Variants in CYTH4 observed in about 807,000 individuals in gnomAD.
CYTH4 encodes the protein cytohesin-4.
A neutral mutation model predicts 57.5 loss-of-function variants in CYTH4; 22 were observed. That is an observed-to-expected ratio of 0.38 (90% CI 0.27 to 0.55). The LOEUF is 0.55. Ranked by LOEUF, CYTH4 falls within the 20% of genes least tolerant of loss-of-function variation. The pLI is 0.74. For synonymous variants in CYTH4, 186 were observed against 206.5 expected (o/e 0.90, Z 0.85); for missense variants, 420 against 535.6 (o/e 0.78, Z 2.13).
chr22:37,285,896 A>G (rs1045598285), intron 1 of CYTH4, among the ~76,000 whole-genome samples: 4 of 152,134 alleles, frequency 2.6e-5, no homozygotes, highest in Admixed American at 6.5e-5. Flanking sequence ...AGATGCTTTG[A>G]CCAGTTGCCA....
At chr22:37,296,143 C>A in intron 4 of CYTH4, 78 bp downstream of exon 4, 1 of 1,421,420 alleles carries the variant, frequency 7.0e-7, no homozygotes, top group Non-Finnish European at 9.7e-7. Flanking sequence ...TCTCGCTCCC[C>A]TCGGCTGACA....
At chr22:37,301,169 G>A in intron 7 of CYTH4, 150 bp downstream of exon 7, 1 of 644,280 alleles carries the variant, frequency 1.6e-6, no homozygotes, top group East Asian at 2.7e-5. Context: ...TGACTTCATT[G>A]CTGCTGGGTG....
chr22:37,300,850 T>C (rs1601705089), intron 6 of CYTH4, 57 bp from the exon 7 acceptor site: 2 of 1,454,008 alleles, frequency 1.4e-6, no homozygotes, highest in Non-Finnish European at 9.5e-7. Flanking sequence ...GGGCAGCTTG[T>C]CTGGGGCCCG....
Position 37,314,466 on chromosome 22 carries a change from G to A in CYTH4, c.*955G>A. ...AGAGTTTCGTGCACTGTGGTTAACAGGAGGGCTGCCTGGAGGCAGTGGCTG... is the reference window on the plus strand; with the variant it reads ...AGAGTTTCGTGCACTGTGGTTAACAAGAGGGCTGCCTGGAGGCAGTGGCTG... On this transcript the variant is annotated 3_prime_UTR_variant, in exon 13 of 13. Transcript: ENST00000248901. 2.5e-6 allele frequency: 1 copy of A among 398,832 alleles called. No homozygotes were observed. The highest frequency in any genetic ancestry group is 4.4e-6 in the Non-Finnish European group (1 of 226,204). The allele number at this position is 398,832 out of a possible 1,614,324, so 24.7% of individuals were successfully genotyped here.
In CYTH4 at chr22:37,314,287, G is replaced by A. The variant is rs1312429082; in HGVS notation, c.*776G>A. 7.5e-6 allele frequency: 3 copies of A among 398,604 alleles called. No homozygotes were observed. Among genetic ancestry groups the A allele is most frequent in the East Asian group, 3.6e-5 (1 of 28,090 alleles). 24.7% of individuals were successfully genotyped at this position (398,604 alleles called of 1,614,324 possible). A position where few individuals can be genotyped will look rare whatever the true frequency, so the allele number is the denominator to read the frequency against. On this transcript the variant is annotated 3_prime_UTR_variant, in exon 13 of 13. Coordinates refer to ENST00000248901, the MANE Select transcript of CYTH4 (RefSeq NM_013385.5). ...AGCCCAGGCTGACTCCGGATTCAACGTTGCTGGGGAGAGAAAAGCAGTATA... is the reference window on the plus strand; with the variant it reads ...AGCCCAGGCTGACTCCGGATTCAACATTGCTGGGGAGAGAAAAGCAGTATA...
chr22:37,292,712 A>G lies in CYTH4; in HGVS notation c.102+9A>G, dbSNP rs201876789. On this transcript the variant is annotated intron_variant, in intron 2 of 12. Transcript: ENST00000248901. ...TCCTGGAGGACATCCAGGTGAGTGC[A>G]CACTCGTGTCCACACACGTGTCCAT... 1.7e-5 allele frequency: 27 copies of G among 1,613,052 alleles called. 1 individual carries two copies. In the African/African-American group the frequency reaches 3.1e-4, roughly 18 times the overall value.
rs940177951 is a variant in CYTH4 at position 37,299,399 on chromosome 22, A to C, written c.434+93A>C. 8.9e-6 allele frequency: 10 copies of C among 1,129,690 alleles called. No homozygotes were observed. In the African/African-American group the frequency reaches 1.2e-4, roughly 14 times the overall value. The allele number at this position is 1,129,690 out of a possible 1,614,324, so 70.0% of individuals were successfully genotyped here. A position where few individuals can be genotyped will look rare whatever the true frequency, so the allele number is the denominator to read the frequency against. ...GATCCACATAGCTGACAGCACAAAC[A>C]AAGGGTTGGGAGCAAAGAAGAGGAG... On this transcript the variant is annotated intron_variant, in intron 6 of 12. Coordinates refer to ENST00000248901, the MANE Select transcript of CYTH4 (RefSeq NM_013385.5).
At chr22:37,301,933 A>C (rs1018383676) in intron 7 of CYTH4, 5 of 168,422 alleles carry the variant, frequency 3.0e-5, no homozygotes, top group African/African-American at 1.2e-4. Flanking sequence ...TCCTGACCTC[A>C]GGTGATCCGC....
chr22:37,305,360 C>T (rs1929355890), intron 8 of CYTH4, among the ~76,000 whole-genome samples: 1 of 152,200 alleles, frequency 6.6e-6, no homozygotes, highest in South Asian at 2.1e-4. Context: ...TTATTATCCT[C>T]TTTGGCAACC....
intron 1 of CYTH4, among the ~76,000 whole-genome samples, chr22:37,286,195 G>A (rs886266095): frequency 2.0e-5 from 3 of 152,220 alleles, no homozygotes; most frequent in East Asian, 1.9e-4. Flanking sequence ...AGCGTCCGAC[G>A]GGTGTTTGAT....
intron 12 of CYTH4, among the ~76,000 whole-genome samples, chr22:37,312,901 G>A (rs1469321599): frequency 3.3e-5 from 5 of 152,286 alleles, no homozygotes; most frequent in Non-Finnish European, 5.9e-5. Context: ...GGTGGCCAGA[G>A]GAAGGCTGAA....
chr22:37,312,098 G>A lies in CYTH4; in HGVS notation c.1036G>A (p.Val346Met). ...ACKTDGDGRV[V>M]EGKHESYRIS... Reference sequence around the variant, plus strand: ...CAAGACCGATGGCGACGGCAGGGTGGTGGAGGGCAAGCACGAATCGTACCG... The same window carrying A: ...CAAGACCGATGGCGACGGCAGGGTGATGGAGGGCAAGCACGAATCGTACCG... Residue 346 changes from valine to methionine, a missense_variant, in exon 12 of 13, where the codon GTG (valine) becomes ATG (methionine). Physicochemically the swap from Val to Met is conservative, Grantham distance 21. Transcript: ENST00000248901. 1 of 1,614,242 alleles carries A rather than the reference G, an allele frequency of 6.2e-7. No homozygotes were observed. The highest frequency in any genetic ancestry group is 8.5e-7 in the Non-Finnish European group (1 of 1,180,038).
At position 37,294,726 on chromosome 22, in the gene CYTH4, T is replaced by C. The variant is rs1928888079; in HGVS notation, c.167+2T>C. ...CTGCTTCGAGAGTGCGGAGGAGAGGTGAGGGGCTTGGGTGGGGACCCCCAG... is the reference window on the plus strand; with the variant it reads ...CTGCTTCGAGAGTGCGGAGGAGAGGCGAGGGGCTTGGGTGGGGACCCCCAG... On this transcript the variant is annotated splice_donor_variant, in intron 3 of 12. Transcript: ENST00000248901. LOFTEE classifies it high-confidence loss of function. 1 of 1,613,424 alleles carries C rather than the reference T, an allele frequency of 6.2e-7. No homozygotes were observed. Among genetic ancestry groups the C allele is most frequent in the Non-Finnish European group, 8.5e-7 (1 of 1,179,644 alleles).
chr22:37,303,436 G>A (rs375934892), intron 8 of CYTH4, 34 bp downstream of exon 8: 81 of 1,599,344 alleles, frequency 5.1e-5, no homozygotes, highest in Middle Eastern at 5.0e-4. Context: ...GCCTGGCCCC[G>A]GGGAATCCAG....
intron 1 of CYTH4, among the ~76,000 whole-genome samples, chr22:37,283,417 G>A (rs550916366): frequency 2.0e-5 from 3 of 152,284 alleles, no homozygotes; most frequent in South Asian, 2.1e-4. Context: ...TGGTGAACAC[G>A]GCTGCTGGAA....
At position 37,315,037 on chromosome 22, in the gene CYTH4, C is replaced by T. The variant is rs15996; in HGVS notation, c.*1526C>T. The T allele has an allele frequency of 6.6e-6, 1 of 152,084 alleles. No individual in the cohort carries two copies. Among genetic ancestry groups the T allele is most frequent in the African/African-American group, 2.4e-5 (1 of 41,372 alleles). 9.4% of individuals were successfully genotyped at this position (152,084 alleles called of 1,614,324 possible). ...TCTGGGTTGGGCGTCTGCAGGAGGA[C>T]ACCTTGTGGGACATCTGAGGACATC... On this transcript the variant is annotated 3_prime_UTR_variant, in exon 13 of 13. Transcript: ENST00000248901.
intron 1 of CYTH4, among the ~76,000 whole-genome samples, chr22:37,283,949 C>G (rs1022832270): frequency 4.0e-5 from 6 of 151,784 alleles, no homozygotes; most frequent in African/African-American, 1.5e-4. Flanking sequence ...TTTGTCCTTT[C>G]GGGTCCTAAC....
rs16998070 is a variant in CYTH4, at chr22:37,299,017, G to A, written c.354-209G>A. Among the ~76,000 whole-genome samples, 1,303 of 152,272 alleles carry A rather than the reference G, an allele frequency of 8.6e-3. 27 individuals are homozygous for A. Among genetic ancestry groups the A allele is most frequent in the African/African-American group, 0.03 (1,240 of 41,542 alleles). The stretch of plus-strand genomic sequence containing the variant: ...CAGGCCAGACCAGCGCTGGTGAGCC[G>A]TGAAGGTGTGTGTTCCTGCATGGGA... On this transcript the variant is annotated intron_variant, in intron 5 of 12. Transcript: ENST00000248901.
chr22:37,295,906 G>A lies in CYTH4; in HGVS notation c.168-93G>A, dbSNP rs942547054. Reference sequence around the variant, plus strand: ...GCCACACTTGGAGGGCCCTAGAGGGGTATGGGCTCCTGCTGAGGCAAGGGT... The same window carrying A: ...GCCACACTTGGAGGGCCCTAGAGGGATATGGGCTCCTGCTGAGGCAAGGGT... On this transcript the variant is annotated intron_variant, in intron 3 of 12. Transcript: ENST00000248901. The surrounding 1 kb of genome is among the most constrained non-coding windows in gnomAD (Gnocchi z 4.1). The A allele has an allele frequency of 8.2e-6, 11 of 1,348,890 alleles. No individual in the cohort carries two copies. In the African/African-American group the frequency reaches 1.6e-4, roughly 20 times the overall value. The allele number at this position is 1,348,890 out of a possible 1,614,324, so 83.6% of individuals were successfully genotyped here.
Sources: gnomAD v4.1 joint callset for allele counts (sites outside exome capture counted in the v4.1 genomes callset) on GRCh38, gnomAD v4.1.1 for gene constraint, Gnocchi (gnomAD v3.1) non-coding constraint, MANE v1.5 for transcripts, NCBI Gene and HGNC (gene_info 2026-07-23, HGNC 2026-07-21) for gene names.